GRIP1: variants seen among roughly 807,000 people sequenced by gnomAD.
The protein encoded by GRIP1 is glutamate receptor interacting protein 1.
In GRIP1, 45 loss-of-function variants were observed where a neutral mutation model predicts 129.9. The observed-to-expected ratio is 0.35, with a 90% CI of 0.27 to 0.44. The LOEUF is 0.44. GRIP1 is among the 20% of genes least tolerant of loss of function. GRIP1 has a pLI of 1.00. For missense variants in GRIP1, 1,196 were observed against 1,396.8 expected, an observed-to-expected ratio of 0.86 and a Z score of 2.29; for synonymous variants, 530 against 520.8, an observed-to-expected ratio of 1.02 and a Z score of -0.24.
At chr12:66,720,423 T>C (rs1356852003) in intron 1 of GRIP1, among the ~76,000 whole-genome samples, 1 of 152,062 alleles carries the variant, frequency 6.6e-6, no homozygotes, top group East Asian at 1.9e-4. Context: ...TTGTGGCAAT[T>C]TCTTAAAATA....
intron 2 of GRIP1, chr12:66,563,776 T>A (rs1234929773): frequency 2.6e-5 from 4 of 152,200 alleles, no homozygotes; most frequent in Non-Finnish European, 5.9e-5. Flanking sequence ...TTATGCATTG[T>A]ATATAATTAA....
intron 2 of GRIP1, chr12:66,568,941 A>G: frequency 1.9e-6 from 1 of 523,208 alleles, no homozygotes. Context: ...TGCTGATCAC[A>G]GGTTCCCAGG....
At chr12:66,810,834 A>G (rs1419351081) in intron 1 of GRIP1, among the ~76,000 whole-genome samples, 3 of 152,190 alleles carry the variant, frequency 2.0e-5, no homozygotes, top group Non-Finnish European at 4.4e-5. Flanking sequence ...TGTGTTGTTT[A>G]TTAAAGCATA....
intron 23 of GRIP1, among the ~76,000 whole-genome samples, chr12:66,371,116 T>C (rs1052505163): frequency 1.3e-4 from 20 of 152,038 alleles, no homozygotes; most frequent in East Asian, 1.9e-4. Context: ...CCGTGTGACA[T>C]TGGAGCCTCA....
chr12:66,533,614 C>T (rs1364521699), intron 4 of GRIP1, among the ~76,000 whole-genome samples: 1 of 151,952 alleles, frequency 6.6e-6, no homozygotes, highest in Non-Finnish European at 1.5e-5. Context: ...CACTGCACTC[C>T]GGCCTGGGTG....
intron 1 of GRIP1, among the ~76,000 whole-genome samples, chr12:66,747,968 G>T (rs1298816050): frequency 6.6e-6 from 1 of 152,078 alleles, no homozygotes; most frequent in Non-Finnish European, 1.5e-5. Flanking sequence ...GTGTAAATGA[G>T]ATTACAAATG....
chr12:66,456,407 A>G (rs1202401264), intron 9 of GRIP1, 65 bp from the exon 10 acceptor site: 9 of 880,670 alleles, frequency 1.0e-5, no homozygotes, highest in South Asian at 2.9e-5. Flanking sequence ...ACCAAAAAAG[A>G]GGAAAAATAA....
intron 5 of GRIP1, among the ~76,000 whole-genome samples, chr12:66,523,731 G>T (rs1386575824): frequency 6.6e-6 from 1 of 152,116 alleles, no homozygotes; most frequent in Non-Finnish European, 1.5e-5. Context: ...GACACAGACT[G>T]GCAAATTGGA....
chr12:66,385,456 AACCT>A (rs2056313866), intron 19 of GRIP1, among the ~76,000 whole-genome samples: 1 of 152,098 alleles, frequency 6.6e-6, no homozygotes, highest in Non-Finnish European at 1.5e-5. Context: ...GAGTCACTTG[AACCT>A]GGGAGGCAGA....
intron 1 of GRIP1, among the ~76,000 whole-genome samples, chr12:66,778,811 C>T (rs898843846): frequency 3.9e-5 from 6 of 152,086 alleles, no homozygotes; most frequent in Admixed American, 2.6e-4. Context: ...GTAGTAAAAA[C>T]TTTAGTAGAC....
intron 1 of GRIP1, among the ~76,000 whole-genome samples, chr12:67,057,300 C>A (rs1406836803): frequency 6.6e-6 from 1 of 152,034 alleles, no homozygotes; most frequent in East Asian, 1.9e-4. Flanking sequence ...TCACTCCCCT[C>A]CCCGCTCTCT....
chr12:66,642,078 G>A (rs181690051), intron 1 of GRIP1, among the ~76,000 whole-genome samples: 3 of 152,254 alleles, frequency 2.0e-5, no homozygotes, highest in East Asian at 1.9e-4. Context: ...TCAGTCTCGT[G>A]GGGGAGAGAA....
rs71096098 is a variant in GRIP1, at chr12:66,401,598, G to GTGTGTATATATATA, written c.1984+4684_1984+4685insTATATATATACACA. 8.9e-4 allele frequency among the ~76,000 whole-genome samples: 59 copies of GTGTGTATATATATA among 66,256 alleles called. 1 individual carries two copies. Among genetic ancestry groups the GTGTGTATATATATA allele is most frequent in the African/African-American group, 3.4e-3 (55 of 16,326 alleles). 43.5% of individuals were successfully genotyped at this position (66,256 alleles called of 152,430 possible). On this transcript the variant is annotated intron_variant, in intron 16 of 24. Coordinates refer to ENST00000359742, the MANE Select transcript of GRIP1 (RefSeq NM_001366722.1). ...CCGTCTCAAAAAAAAAAATATGTGT[G>GTGTGTATATATATA]TATATATATATACACACACACACAC...
At chr12:66,450,801 A>G (rs1358852467) in intron 11 of GRIP1, among the ~76,000 whole-genome samples, 1 of 152,204 alleles carries the variant, frequency 6.6e-6, no homozygotes, top group Non-Finnish European at 1.5e-5. Context: ...TATGAAAAAG[A>G]TATATTGTGA....
chr12:66,518,227 C>T (rs977985607), intron 5 of GRIP1, among the ~76,000 whole-genome samples: 1 of 152,058 alleles, frequency 6.6e-6, no homozygotes, highest in African/African-American at 2.4e-5. Context: ...TATTTAACAA[C>T]TGGAATGGCA....
chr12:66,884,521 C>A (rs945220545), intron 1 of GRIP1, among the ~76,000 whole-genome samples: 7 of 152,068 alleles, frequency 4.6e-5, no homozygotes, highest in African/African-American at 1.7e-4. Flanking sequence ...ATGGAGGATG[C>A]AGCTTAAGAT....
chr12:66,756,413 TG>T (rs1391309188), intron 1 of GRIP1, among the ~76,000 whole-genome samples: 1 of 152,248 alleles, frequency 6.6e-6, no homozygotes, highest in East Asian at 1.9e-4. Flanking sequence ...TGGGACACCA[TG>T]TTCTGTATAA....
intron 1 of GRIP1, among the ~76,000 whole-genome samples, chr12:66,881,391 C>T (rs191233179): frequency 1.1e-4 from 17 of 152,248 alleles, no homozygotes; most frequent in South Asian, 2.1e-4. Context: ...CTCTAATGAT[C>T]TGAATGCAAA....
intron 1 of GRIP1, among the ~76,000 whole-genome samples, chr12:66,842,569 T>C (rs994057541): frequency 3.3e-5 from 5 of 152,200 alleles, no homozygotes; most frequent in African/African-American, 1.2e-4. Flanking sequence ...TTGCTATTAG[T>C]ATTTTTGCTA....
Sources: gnomAD v4.1 joint callset for allele counts (sites outside exome capture counted in the v4.1 genomes callset) on GRCh38, gnomAD v4.1.1 for gene constraint, MANE v1.5 for transcripts, NCBI Gene and HGNC (gene_info 2026-07-23, HGNC 2026-07-21) for gene names.